The following PRKAR1B variants were observed in gnomAD, a reference collection of about 807,000 sequenced individuals.
The protein encoded by PRKAR1B is protein kinase cAMP-dependent type I regulatory subunit beta, also known as cAMP-dependent protein kinase type I-beta regulatory subunit.
PRKAR1B carries 22 observed loss-of-function variants against 46.5 expected under a neutral mutation model. The ratio of observed to expected loss-of-function variants is 0.47; its 90% CI spans 0.34 to 0.68. PRKAR1B has a LOEUF of 0.68. Ranked by LOEUF, PRKAR1B falls within the 30% of genes least tolerant of loss-of-function variation. The pLI is 0.01. For synonymous variants in PRKAR1B, 259 were observed against 217.7 expected, an observed-to-expected ratio of 1.19 and a Z score of -1.67; for missense variants, 445 against 535.6, an observed-to-expected ratio of 0.83 and a Z score of 1.67.
chr7:641,212 A>G (rs1208476911), intron 4 of PRKAR1B, among the ~76,000 whole-genome samples: 1 of 152,070 alleles, frequency 6.6e-6, no homozygotes, highest in Non-Finnish European at 1.5e-5. Context: ...TCGGCCTCCC[A>G]AAGTTCTGGG....
chr7:718,005 G>A (rs1163927601), intron 1 of PRKAR1B, among the ~76,000 whole-genome samples: 1 of 152,130 alleles, frequency 6.6e-6, no homozygotes, highest in Non-Finnish European at 1.5e-5. Flanking sequence ...GAAGCCAGCT[G>A]CCCTTTCATC....
chr7:657,470 C>T (rs920147530), intron 4 of PRKAR1B, among the ~76,000 whole-genome samples: 2 of 152,102 alleles, frequency 1.3e-5, no homozygotes, highest in Non-Finnish European at 1.5e-5. Context: ...CCTCAATACC[C>T]CATATTTAGA....
intron 9 of PRKAR1B, among the ~76,000 whole-genome samples, chr7:572,430 C>CG (rs1184749108): frequency 1.3e-5 from 2 of 152,144 alleles, no homozygotes; most frequent in Non-Finnish European, 2.9e-5. Context: ...GAGAGACCCG[C>CG]GGGGGTCTCG....
At chr7:605,782 AG>A (rs1158780049) in intron 6 of PRKAR1B, among the ~76,000 whole-genome samples, 4 of 152,140 alleles carry the variant, frequency 2.6e-5, no homozygotes, top group Non-Finnish European at 5.9e-5. Context: ...CGTCGGTCCT[AG>A]GGGGTCTCTA....
chr7:599,671 C>A (rs534064556), intron 6 of PRKAR1B, among the ~76,000 whole-genome samples: 1 of 152,272 alleles, frequency 6.6e-6, no homozygotes, highest in Non-Finnish European at 1.5e-5. Context: ...TCTCTGGCGC[C>A]GAGCTCACAC....
At chr7:573,437 G>A (rs1779639506) in intron 9 of PRKAR1B, among the ~76,000 whole-genome samples, 1 of 151,910 alleles carries the variant, frequency 6.6e-6, no homozygotes, top group Non-Finnish European at 1.5e-5. Flanking sequence ...CCCCTCCTCA[G>A]AGCCTTTCCG....
chr7:713,903 C>A (rs1168820006), intron 1 of PRKAR1B, among the ~76,000 whole-genome samples: 3 of 152,246 alleles, frequency 2.0e-5, no homozygotes, highest in Admixed American at 2.0e-4. Flanking sequence ...CCCACTGGCC[C>A]CAGCCCCGTC....
chr7:619,415 C>T (rs952162096), intron 4 of PRKAR1B, among the ~76,000 whole-genome samples: 2 of 152,222 alleles, frequency 1.3e-5, no homozygotes, highest in African/African-American at 4.8e-5. Context: ...TTAATTCTCA[C>T]AACAACCTTG....
chr7:705,022 T>G (rs953425732), intron 2 of PRKAR1B, among the ~76,000 whole-genome samples: 10 of 152,092 alleles, frequency 6.6e-5, no homozygotes, highest in South Asian at 2.1e-4. Flanking sequence ...CCGGGCGCAG[T>G]GGCTCACGCC....
intron 4 of PRKAR1B, among the ~76,000 whole-genome samples, chr7:617,919 T>G (rs1411525433): frequency 6.6e-6 from 1 of 152,078 alleles, no homozygotes; most frequent in Non-Finnish European, 1.5e-5. Context: ...CACAGACACC[T>G]CCAGTTTCTC....
intron 9 of PRKAR1B, among the ~76,000 whole-genome samples, chr7:554,580 CCA>C (rs1778297776): frequency 1.3e-5 from 2 of 152,082 alleles, no homozygotes; most frequent in East Asian, 3.9e-4. Flanking sequence ...GCCACGGATC[CCA>C]CAGAGCCAGA....
At chr7:691,787 C>T (rs1779442609) in intron 2 of PRKAR1B, 1 of 1,192,470 alleles carries the variant, frequency 8.4e-7, no homozygotes, top group Non-Finnish European at 1.1e-6. Flanking sequence ...CGGCAATCAC[C>T]TCCTGCGGAG....
At chr7:727,006 G>T in intron 1 of PRKAR1B, 1 of 1,241,010 alleles carries the variant, frequency 8.1e-7, no homozygotes, top group Non-Finnish European at 1.0e-6. Flanking sequence ...CCGCGCGCTG[G>T]CAGTGCACCT....
At chr7:701,276 G>A (rs1780049499) in intron 2 of PRKAR1B, among the ~76,000 whole-genome samples, 2 of 144,292 alleles carry the variant, frequency 1.4e-5, no homozygotes, top group South Asian at 4.4e-4. Context: ...AAAAAAGAAA[G>A]AAAGAAAGAG....
chr7:649,636 G>A (rs1784793837), intron 4 of PRKAR1B, among the ~76,000 whole-genome samples: 2 of 151,890 alleles, frequency 1.3e-5, no homozygotes, highest in Non-Finnish European at 2.9e-5. Context: ...GGATTGCAGT[G>A]ACGACCCTGG....
At chr7:692,153 A>T (rs1779466448) in intron 2 of PRKAR1B, among the ~76,000 whole-genome samples, 1 of 152,224 alleles carries the variant, frequency 6.6e-6, no homozygotes, top group African/African-American at 2.4e-5. Context: ...TCATCCCAGC[A>T]CTTTGGGAGG....
chr7:681,408 T>C (rs1013142277), intron 2 of PRKAR1B, among the ~76,000 whole-genome samples: 17 of 152,106 alleles, frequency 1.1e-4, no homozygotes, highest in Non-Finnish European at 1.8e-4. Context: ...TCTGTGTATG[T>C]ACCAGTTTTG....
At position 644,906 on chromosome 7, in the gene PRKAR1B, C is replaced by T. The variant is rs1205889304; in HGVS notation, c.440+32323G>A. The stretch of plus-strand genomic sequence containing the variant: ...TGCTCAGAGGCCGCCCAGGCCACCC[C>T]GTCTCACGATGGGGAGATGTGAGAC... On this transcript the variant is annotated intron_variant, in intron 4 of 10. Transcript: ENST00000537384. This position sits in a 1 kb window ranked among gnomAD's most constrained non-coding sequence, Gnocchi z 4.9. Among the ~76,000 whole-genome samples, 2 of 152,170 alleles carry T rather than the reference C, an allele frequency of 1.3e-5. No individual in the cohort carries two copies. Among genetic ancestry groups the T allele is most frequent in the Non-Finnish European group, 2.9e-5 (2 of 68,006 alleles).
intron 4 of PRKAR1B, among the ~76,000 whole-genome samples, chr7:621,033 G>T (rs879762187): frequency 6.6e-6 from 1 of 152,244 alleles, no homozygotes; most frequent in Non-Finnish European, 1.5e-5. Context: ...CATGTCACAT[G>T]CTCTTTCTCT....
Sources: allele counts gnomAD v4.1 joint callset (sites outside exome capture counted in the v4.1 genomes callset), GRCh38; gene constraint gnomAD v4.1.1; non-coding constraint Gnocchi (gnomAD v3.1); transcripts MANE v1.5; gene names NCBI Gene and HGNC (gene_info 2026-07-23, HGNC 2026-07-21).